The following TRMT61B variants were observed in gnomAD, a reference collection of about 807,000 sequenced individuals.
The protein encoded by TRMT61B is tRNA methyltransferase 61B.
TRMT61B carries 56 observed loss-of-function variants against 52.0 expected under a neutral mutation model. The ratio of observed to expected loss-of-function variants is 1.08; its 90% confidence interval spans 0.87 to 1.35. The LOEUF (loss-of-function observed/expected upper bound fraction) is 1.35. Ranked by LOEUF, TRMT61B falls within the 40% of genes most tolerant of loss-of-function variation. The pLI, the probability that TRMT61B is intolerant of heterozygous loss-of-function variation, is 0.00. For missense variants in TRMT61B, 650 were observed against 577.9 expected (o/e 1.12, Z -1.28); for synonymous variants, 206 against 220.0 (o/e 0.94, Z 0.56).
intron 3 of TRMT61B, among the ~76,000 whole-genome samples, chr2:28,856,838 T>G (rs192645903): frequency 1.0e-3 from 153 of 152,114 alleles, no homozygotes; most frequent in African/African-American, 3.5e-3. Context: ...GGTTTCACCA[T>G]GTTGGCCAGG....
chr2:28,853,180 CTTT>C (rs772932797), intron 3 of TRMT61B, among the ~76,000 whole-genome samples: 7 of 143,666 alleles, frequency 4.9e-5, no homozygotes, highest in Non-Finnish European at 7.7e-5. Flanking sequence ...TGTGAATTTC[CTTT>C]TTTTTTTTTT....
intron 1 of TRMT61B, among the ~76,000 whole-genome samples, chr2:28,865,694 T>G (rs967425628): frequency 2.8e-4 from 29 of 103,790 alleles, no homozygotes; most frequent in African/African-American, 1.1e-3. Flanking sequence ...TTTTTTTTTT[T>G]TGGGAGACGA....
At chr2:28,851,479 G>C (rs1050058031) in intron 4 of TRMT61B, among the ~76,000 whole-genome samples, 181 bp from the exon 5 acceptor site, 40 of 152,204 alleles carry the variant, frequency 2.6e-4, no homozygotes, top group African/African-American at 8.4e-4. Flanking sequence ...AACAAACACA[G>C]AGACCATAAT....
At chr2:28,856,733 C>T (rs1669359301) in intron 3 of TRMT61B, among the ~76,000 whole-genome samples, 1 of 152,020 alleles carries the variant, frequency 6.6e-6, no homozygotes, top group Non-Finnish European at 1.5e-5. Context: ...CTCCCGGTTT[C>T]CAGAGATTCT....
chr2:28,869,630 C>T lies in TRMT61B; in HGVS notation c.648G>A (p.Leu216=), dbSNP rs767877382. ...GKQYMLRRPA[L]EDYVVLMKRG... ...TTTTCATCAATACTACATAGTCTTC[C>T]AAGGCTGGCCTCCTCAGCATGTACT... is the stretch of plus-strand genomic sequence containing the variant. The change falls in exon 1 of 7, where the codon TTG becomes TTA. Residue 216 remains leucine (L), a synonymous_variant. Coordinates refer to ENST00000306108, the MANE Select transcript of TRMT61B (RefSeq NM_017910.4). 1.1e-5 allele frequency: 17 copies of T among 1,613,954 alleles called. No individual in the cohort carries two copies. Among genetic ancestry groups the T allele is most frequent in the Non-Finnish European group, 1.4e-5 (17 of 1,180,026 alleles).
chr2:28,862,914 T>C (rs972612876), intron 2 of TRMT61B, among the ~76,000 whole-genome samples: 3 of 150,942 alleles, frequency 2.0e-5, no homozygotes, highest in Non-Finnish European at 4.4e-5. Flanking sequence ...GAAGAACTTT[T>C]AAACTAATTA....
chr2:28,853,837 A>AC (rs1329563871), intron 3 of TRMT61B, among the ~76,000 whole-genome samples: 1 of 151,384 alleles, frequency 6.6e-6, no homozygotes, highest in African/African-American at 2.4e-5. Context: ...TTCTGTCTCA[A>AC]AAAAAAAAAT....
intron 3 of TRMT61B, among the ~76,000 whole-genome samples, chr2:28,854,266 CAT>C (rs760266909): frequency 6.6e-6 from 1 of 152,016 alleles, no homozygotes; most frequent in Non-Finnish European, 1.5e-5. Context: ...AATAAGAAAA[CAT>C]ATAAATAAAT....
At chr2:28,861,544 A>G (rs1338823580) in intron 2 of TRMT61B, 3 of 459,330 alleles carry the variant, frequency 6.5e-6, no homozygotes, top group Non-Finnish European at 1.2e-5. Context: ...AAGCATGCCA[A>G]GTATCTCTCT....
At chr2:28,867,648 G>A (rs563230980) in intron 1 of TRMT61B, among the ~76,000 whole-genome samples, 9 of 152,294 alleles carry the variant, frequency 5.9e-5, no homozygotes, top group South Asian at 2.1e-4. Context: ...TACTAAATAT[G>A]CATATTTATA....
rs146526237 is a variant in TRMT61B at position 28,864,006 on chromosome 2, G to T, written c.802+1011C>A. Among the ~76,000 whole-genome samples, 271 of 152,086 alleles carry T rather than the reference G, an allele frequency of 1.8e-3. 2 individuals are homozygous for T. The highest frequency in any genetic ancestry group is 6.2e-3 in the African/African-American group (256 of 41,464). Reference sequence around the variant, plus strand: ...CATAAAAGTAACTAGAAATTAAGTGGTAGGAACATGAAAAAATATATATGT... The same window carrying T: ...CATAAAAGTAACTAGAAATTAAGTGTTAGGAACATGAAAAAATATATATGT... On this transcript the variant is annotated intron_variant, in intron 2 of 6. Transcript: ENST00000306108.
chr2:28,856,014 T>C (rs1163581789), intron 3 of TRMT61B, among the ~76,000 whole-genome samples: 1 of 152,114 alleles, frequency 6.6e-6, no homozygotes, highest in African/African-American at 2.4e-5. Flanking sequence ...AAGATTTCAA[T>C]GACAATCAAG....
At chr2:28,855,970 CAAAT>C (rs370500686) in intron 3 of TRMT61B, among the ~76,000 whole-genome samples, 23 of 151,932 alleles carry the variant, frequency 1.5e-4, no homozygotes, top group Non-Finnish European at 3.2e-4. Flanking sequence ...GACTCCATCT[CAAAT>C]AAATAAATAA....
In TRMT61B at chr2:28,856,686, G is replaced by A. The variant is rs1293701387; in HGVS notation, c.994-4187C>T. On this transcript the variant is annotated intron_variant, in intron 3 of 6. Transcript: ENST00000306108. ...GTCTCATCCTGTCGCCCAGGTTGGA[G>A]TACAATGGTGCGATCGTAGCTCACT... Among the ~76,000 whole-genome samples the A allele has an allele frequency of 6.6e-5, 10 of 151,802 alleles. No individual in the cohort carries two copies. The South Asian group carries it at 2.1e-3, about 32-fold the overall frequency.
intron 2 of TRMT61B, chr2:28,861,525 T>G: frequency 2.0e-6 from 1 of 498,216 alleles, no homozygotes; most frequent in East Asian, 3.5e-5. Context: ...TGATAGTCAC[T>G]GCCTATACAA....
intron 3 of TRMT61B, among the ~76,000 whole-genome samples, chr2:28,857,306 T>C (rs1357819090): frequency 6.6e-6 from 1 of 152,168 alleles, no homozygotes; most frequent in Non-Finnish European, 1.5e-5. Context: ...TTTGAATGTA[T>C]AATTTTTGTC....
chr2:28,856,064 T>TTTA (rs531940870), intron 3 of TRMT61B, among the ~76,000 whole-genome samples: 6 of 152,150 alleles, frequency 3.9e-5, no homozygotes, highest in Non-Finnish European at 8.8e-5. Context: ...AGACTGTAGT[T>TTTA]TTACTATATT....
At chr2:28,855,339 G>C (rs114201146) in intron 3 of TRMT61B, among the ~76,000 whole-genome samples, 1,783 of 152,282 alleles carry the variant, frequency 0.012, 38 homozygotes, top group African/African-American at 0.041. Flanking sequence ...GCCATTTTAA[G>C]TATACAATTC....
intron 1 of TRMT61B, among the ~76,000 whole-genome samples, chr2:28,866,883 A>T (rs914204960): frequency 3.9e-5 from 6 of 152,124 alleles, no homozygotes; most frequent in African/African-American, 1.4e-4. Context: ...GCAGCCTCGA[A>T]CTTCTGGGCT....
Sources: allele counts gnomAD v4.1 joint callset (sites outside exome capture counted in the v4.1 genomes callset), GRCh38; gene constraint gnomAD v4.1.1; transcripts MANE v1.5; gene names NCBI Gene and HGNC (gene_info 2026-07-23, HGNC 2026-07-21).